Variants in NKAIN2 observed in about 807,000 individuals in gnomAD.
The protein encoded by NKAIN2 is sodium/potassium transporting ATPase interacting 2, also known as sodium/potassium-transporting ATPase subunit beta-1-interacting protein 2.
NKAIN2 carries 14 observed loss-of-function variants against 32.6 expected under a neutral mutation model. The observed-to-expected ratio is 0.43, with a 90% CI of 0.28 to 0.67. NKAIN2 has a LOEUF of 0.67. Ranked by LOEUF, NKAIN2 falls within the 30% of genes least tolerant of loss-of-function variation. The pLI, the probability that NKAIN2 is intolerant of heterozygous loss-of-function variation, is 0.17. For missense variants in NKAIN2, 198 were observed against 258.3 expected, an observed-to-expected ratio of 0.77 and a Z score of 1.60; for synonymous variants, 80 against 87.2, an observed-to-expected ratio of 0.92 and a Z score of 0.46.
chr6:124,704,821 C>T (rs1175272806), intron 4 of NKAIN2, among the ~76,000 whole-genome samples: 1 of 151,878 alleles, frequency 6.6e-6, no homozygotes, highest in Non-Finnish European at 1.5e-5. Context: ...TACTTAACTT[C>T]CTGGTGATTT....
At chr6:124,640,155 G>A (rs1783930574) in intron 3 of NKAIN2, among the ~76,000 whole-genome samples, 1 of 151,956 alleles carries the variant, frequency 6.6e-6, no homozygotes, top group Non-Finnish European at 1.5e-5. Context: ...CACTATACGA[G>A]TCATAATTTC....
intron 3 of NKAIN2, among the ~76,000 whole-genome samples, chr6:124,417,342 A>T (rs935296093): frequency 1.3e-5 from 2 of 152,236 alleles, no homozygotes; most frequent in Non-Finnish European, 2.9e-5. Flanking sequence ...CAGTGGATGG[A>T]CTCAAAAGCA....
At chr6:123,922,967 A>G (rs527945061) in intron 1 of NKAIN2, among the ~76,000 whole-genome samples, 29 of 152,282 alleles carry the variant, frequency 1.9e-4, no homozygotes, top group Admixed American at 1.7e-3. Context: ...ATAACTTGAG[A>G]GGAGTTACAG....
intron 1 of NKAIN2, among the ~76,000 whole-genome samples, chr6:123,903,838 C>A (rs904219204): frequency 2.0e-5 from 3 of 152,068 alleles, no homozygotes; most frequent in African/African-American, 7.2e-5. Context: ...AGGATGAAAA[C>A]CCTTGCCTTG....
chr6:124,358,072 A>G (rs1799076700), intron 3 of NKAIN2, among the ~76,000 whole-genome samples: 1 of 152,164 alleles, frequency 6.6e-6, no homozygotes, highest in South Asian at 2.1e-4. Flanking sequence ...GATGGTTTCC[A>G]GCTTCATCTA....
chr6:124,810,130 T>G (rs1021097162), intron 5 of NKAIN2, among the ~76,000 whole-genome samples: 1 of 152,138 alleles, frequency 6.6e-6, no homozygotes, highest in Non-Finnish European at 1.5e-5. Flanking sequence ...ATCCCATTAC[T>G]GGGTATGTAC....
At chr6:124,593,985 A>C (rs1781998235) in intron 3 of NKAIN2, among the ~76,000 whole-genome samples, 2 of 152,226 alleles carry the variant, frequency 1.3e-5, no homozygotes, top group African/African-American at 4.8e-5. Context: ...AAGTCCCGTA[A>C]ACCATTGCTG....
chr6:124,207,733 A>G (rs1790967365), intron 1 of NKAIN2, among the ~76,000 whole-genome samples: 2 of 151,910 alleles, frequency 1.3e-5, no homozygotes, highest in South Asian at 4.1e-4. Context: ...AGTGAGGACT[A>G]TCTGTTTTGA....
chr6:124,050,027 A>G (rs1056938036), intron 1 of NKAIN2, among the ~76,000 whole-genome samples: 1 of 152,010 alleles, frequency 6.6e-6, no homozygotes, highest in South Asian at 2.1e-4. Flanking sequence ...GAAATTGTGA[A>G]TAGGGATAAA....
intron 1 of NKAIN2, among the ~76,000 whole-genome samples, chr6:124,228,840 A>G (rs776454504): frequency 6.6e-6 from 1 of 152,204 alleles, no homozygotes; most frequent in South Asian, 2.1e-4. Context: ...ATGCAAAGCA[A>G]TGTATACCAG....
intron 6 of NKAIN2, among the ~76,000 whole-genome samples, chr6:124,820,539 G>A (rs1781352278): frequency 6.6e-6 from 1 of 152,170 alleles, no homozygotes; most frequent in Admixed American, 6.5e-5. Context: ...CATCACTCAT[G>A]AAAAGGCTGT....
At chr6:124,399,685 A>G (rs1773545340) in intron 3 of NKAIN2, among the ~76,000 whole-genome samples, 2 of 152,240 alleles carry the variant, frequency 1.3e-5, no homozygotes, top group African/African-American at 2.4e-5. Flanking sequence ...GCCACCAACA[A>G]ACACAGATTC....
At chr6:124,345,196 G>A (rs1055665104) in intron 2 of NKAIN2, among the ~76,000 whole-genome samples, 1 of 152,100 alleles carries the variant, frequency 6.6e-6, no homozygotes, top group African/African-American at 2.4e-5. Flanking sequence ...CTTGATCTTG[G>A]TGGACAAGCT....
intron 1 of NKAIN2, among the ~76,000 whole-genome samples, chr6:123,830,241 C>A (rs543031129): frequency 6.6e-6 from 1 of 152,160 alleles, no homozygotes; most frequent in African/African-American, 2.4e-5. Flanking sequence ...CCTCTGGCTC[C>A]CCTCTTGTCT....
At chr6:123,807,294 A>G (rs1435261062) in intron 1 of NKAIN2, among the ~76,000 whole-genome samples, 1 of 152,132 alleles carries the variant, frequency 6.6e-6, no homozygotes, top group East Asian at 1.9e-4. Flanking sequence ...TTGTATGGTT[A>G]TGCCAACTTC....
intron 1 of NKAIN2, among the ~76,000 whole-genome samples, chr6:124,106,766 A>G (rs538121584): frequency 2.3e-3 from 343 of 152,338 alleles, no homozygotes; most frequent in African/African-American, 8.1e-3. Context: ...ATTCACTTAC[A>G]CAGAAATTCA....
intron 3 of NKAIN2, among the ~76,000 whole-genome samples, chr6:124,402,696 C>T (rs1307616137): frequency 6.6e-6 from 1 of 152,084 alleles, no homozygotes; most frequent in African/African-American, 2.4e-5. Flanking sequence ...CAAACTAACG[C>T]CGGAACAGAA....
At chr6:124,476,069 T>TGTGTGAGAGAGAGAGAGAGA (rs1777195560) in intron 3 of NKAIN2, among the ~76,000 whole-genome samples, 2 of 55,014 alleles carry the variant, frequency 3.6e-5, no homozygotes, top group African/African-American at 5.5e-5. Context: ...AGAGAGAGTG[T>TGTGTGAGAGAGAGAGAGAGA]GTGTGTGTGT....
chr6:124,246,061 C>A (rs1793379042), intron 1 of NKAIN2, among the ~76,000 whole-genome samples: 1 of 152,026 alleles, frequency 6.6e-6, no homozygotes, highest in African/African-American at 2.4e-5. Flanking sequence ...ACATTCAGCA[C>A]CCCTCCTCAA....
Sources: allele counts gnomAD v4.1 joint callset (sites outside exome capture counted in the v4.1 genomes callset), GRCh38; gene constraint gnomAD v4.1.1; transcripts MANE v1.5; gene names NCBI Gene and HGNC (gene_info 2026-07-23, HGNC 2026-07-21).